Variants in HERC2 observed in about 807,000 individuals in gnomAD.
HERC2 encodes E3 ubiquitin-protein ligase HERC2.
In HERC2, 102 loss-of-function variants were observed where a neutral mutation model predicts 537.7. The observed-to-expected ratio is 0.19, with a 90% CI of 0.16 to 0.22. The LOEUF (loss-of-function observed/expected upper bound fraction) is 0.22, where lower values mean the gene tolerates loss of function less well. Among genes scored for constraint, HERC2 ranks in the 10% least tolerant of loss-of-function variants. HERC2 has a pLI of 1.00. For synonymous variants in HERC2, 2,224 were observed against 2,466.2 expected (o/e 0.90, Z 2.91); for missense variants, 4,236 against 6,198.2 (o/e 0.68, Z 10.63).
In HERC2 at chr15:28,202,329, G is replaced by A. The variant is rs747299903; in HGVS notation, c.7480+18C>T. ...GGAACCCACACATACACAAGCAGAG[G>A]CCAGGAAAACGAAGTACCAGGCAAG... is the stretch of plus-strand genomic sequence containing the variant. On this transcript the variant is annotated intron_variant, in intron 46 of 92. Coordinates refer to ENST00000261609, the MANE Select transcript of HERC2 (RefSeq NM_004667.6). 8 of 1,613,474 alleles carry A rather than the reference G, an allele frequency of 5.0e-6. No individual in the cohort carries two copies. In the South Asian group the frequency reaches 6.6e-5, roughly 13 times the overall value.
At chr15:28,229,022 T>C (rs1024155429) in intron 34 of HERC2, among the ~76,000 whole-genome samples, 173 bp downstream of exon 34, 1 of 152,218 alleles carries the variant, frequency 6.6e-6, no homozygotes, top group Non-Finnish European at 1.5e-5. Context: ...TCCTGCTAAA[T>C]TTTGAAGTTT....
At chr15:28,283,972 G>A (rs984181540) in intron 4 of HERC2, among the ~76,000 whole-genome samples, 2 of 152,154 alleles carry the variant, frequency 1.3e-5, no homozygotes, top group South Asian at 2.1e-4. Context: ...ATATTTTGGG[G>A]ATAGGACCCA....
intron 25 of HERC2, among the ~76,000 whole-genome samples, chr15:28,237,721 A>G (rs148465917): frequency 0.022 from 3,305 of 152,254 alleles, 121 homozygotes; most frequent in African/African-American, 0.075. Flanking sequence ...TATAAATTCT[A>G]TGTGTTCGTG....
intron 5 of HERC2, among the ~76,000 whole-genome samples, chr15:28,276,613 T>C (rs2075881286): frequency 6.6e-6 from 1 of 151,942 alleles, no homozygotes; most frequent in South Asian, 2.1e-4. Flanking sequence ...TGCATGCCTA[T>C]AGTCCCAGCT....
At chr15:28,117,752 C>G (rs941321744) in intron 86 of HERC2, 14 of 360,244 alleles carry the variant, frequency 3.9e-5, no homozygotes, top group South Asian at 2.9e-4. Context: ...CAGGCAGTCA[C>G]TCCCTGCCCA....
Position 28,230,617 on chromosome 15 carries a change from A to G in HERC2, c.4676-117T>C, listed in dbSNP as rs1363116402. 7.3e-6 allele frequency: 5 copies of G among 687,962 alleles called. No individual in the cohort carries two copies. The East Asian group carries it at 8.4e-5, about 12-fold the overall frequency. The allele number at this position is 687,962 out of a possible 1,614,324, so 42.6% of individuals were successfully genotyped here. On this transcript the variant is annotated intron_variant, in intron 30 of 92. Transcript: ENST00000261609. Reference sequence around the variant, plus strand: ...ATCTCATTCAAATAAACATCTGAACAACATTATAAATTGCAATGCTCAACA... The same window carrying G: ...ATCTCATTCAAATAAACATCTGAACGACATTATAAATTGCAATGCTCAACA...
intron 4 of HERC2, among the ~76,000 whole-genome samples, chr15:28,291,213 C>T (rs1381218757): frequency 1.3e-5 from 2 of 152,258 alleles, no homozygotes; most frequent in East Asian, 3.9e-4. Flanking sequence ...GAGGTAGGTA[C>T]TACTATTAAC....
At chr15:28,279,977 C>T in intron 5 of HERC2, 91 bp downstream of exon 5, 1 of 909,358 alleles carries the variant, frequency 1.1e-6, no homozygotes, top group Non-Finnish European at 1.7e-6. Context: ...GTGAAGACAG[C>T]CTATATTGAA....
chr15:28,292,851 A>G (rs2076356298), intron 4 of HERC2, 37 bp downstream of exon 4: 1 of 1,597,770 alleles, frequency 6.3e-7, no homozygotes, highest in South Asian at 1.2e-5. Context: ...GGAGCGTCAG[A>G]TCAACCTTTC....
chr15:28,229,882 C>T, intron 31 of HERC2, 35 bp from the exon 32 acceptor site: 2 of 813,100 alleles, frequency 2.5e-6, no homozygotes, highest in Non-Finnish European at 4.2e-6. Context: ...CATTAGTCTA[C>T]CCTATTTAAT....
chr15:28,282,089 G>A (rs1274504010), intron 4 of HERC2, among the ~76,000 whole-genome samples: 1 of 152,152 alleles, frequency 6.6e-6, no homozygotes, highest in Non-Finnish European at 1.5e-5. Context: ...CCACTGGGGA[G>A]TCAGAACTCC....
chr15:28,235,425 G>A (rs1014658195), intron 26 of HERC2, among the ~76,000 whole-genome samples: 1 of 152,086 alleles, frequency 6.6e-6, no homozygotes, highest in African/African-American at 2.4e-5. Flanking sequence ...CCTTGAGGAG[G>A]AGGGAAGGAA....
rs1006141302 is a variant in HERC2 at position 28,192,100 on chromosome 15, T to A, written c.8312A>T (p.His2771Leu). The A allele has an allele frequency of 4.3e-6, 7 of 1,612,784 alleles. No homozygotes were observed. In the Admixed American group the frequency reaches 1.0e-4, roughly 23 times the overall value. The change falls in exon 53 of 93, where the codon CAC (histidine) becomes CTC (leucine). Residue 2771 changes from histidine (H) to leucine (L), a missense_variant. By Grantham distance (99) the His-to-Leu change is moderately conservative. This residue lies in a region of HERC2 where 606 missense variants were observed against 884.5 expected (regional missense o/e 0.69). Coordinates refer to ENST00000261609, the MANE Select transcript of HERC2 (RefSeq NM_004667.6). ...GRSGKQLKRC[H>L]SSQPGMLLDS... ...CAGCAGCATGCCTGGCTGGCTGCTG[T>A]GGCAACGCTTCAGCTGTTTTCCAGA...
At chr15:28,188,272 G>T (rs1896505786) in intron 55 of HERC2, among the ~76,000 whole-genome samples, 1 of 152,204 alleles carries the variant, frequency 6.6e-6, no homozygotes, top group Non-Finnish European at 1.5e-5. Context: ...GCTGGGCACG[G>T]TGGCTCACGC....
At position 28,174,574 on chromosome 15, in the gene HERC2, G is replaced by A. The variant is rs778525672; in HGVS notation, c.9878C>T (p.Thr3293Met). 27 of 1,613,576 alleles carry A rather than the reference G, an allele frequency of 1.7e-5. No individual in the cohort carries two copies. Among genetic ancestry groups the A allele is most frequent in the East Asian group, 4.5e-5 (2 of 44,906 alleles). Residue 3293 changes from threonine (T) to methionine (M), a missense_variant, in exon 65 of 93, where the codon ACG (threonine) becomes ATG (methionine). Around this residue, in one of 27 missense-constraint regions of HERC2, gnomAD observed 93 missense variants for 265.1 expected, o/e 0.35. Coordinates refer to ENST00000261609, the MANE Select transcript of HERC2 (RefSeq NM_004667.6). ...TGTGGGCTTCCTGTTAACCGTGGTC[G>A]TGCCATTGCCCTGCTGGCCGTGGTC... is the stretch of plus-strand genomic sequence containing the variant. ...DNDHGQQGNGTTTVNRKPTLV... is the reference protein window; with the variant it reads ...DNDHGQQGNGMTTVNRKPTLV...
At chr15:28,317,846 C>CA (rs2077130158) in intron 2 of HERC2, among the ~76,000 whole-genome samples, 2 of 152,234 alleles carry the variant, frequency 1.3e-5, no homozygotes, top group Non-Finnish European at 2.9e-5. Context: ...GCAGTATGCG[C>CA]AAATATACAG....
intron 15 of HERC2, 109 bp from the exon 16 acceptor site, chr15:28,261,079 A>C: frequency 2.7e-6 from 2 of 740,162 alleles, no homozygotes; most frequent in Non-Finnish European, 4.3e-6. Context: ...TAACTTCTTG[A>C]GGATAATCTG....
rs367923319 is a variant in HERC2 at position 28,306,521 on chromosome 15, C to T, written c.73-7005G>A. On this transcript the variant is annotated intron_variant, in intron 2 of 92. Transcript: ENST00000261609. ...CATCAATGTTCATCTGGGATACTGG[C>T]CTGTTTTGTTTTTTTGATTATGTCT... 1.6e-4 allele frequency among the ~76,000 whole-genome samples: 25 copies of T among 152,180 alleles called. 1 individual carries two copies. The highest frequency in any genetic ancestry group is 6.8e-3 in the Middle Eastern group (2 of 294).
intron 90 of HERC2, 61 bp downstream of exon 90, chr15:28,114,551 C>A (rs563375595): frequency 1.3e-6 from 2 of 1,505,786 alleles, no homozygotes; most frequent in East Asian, 4.5e-5. Flanking sequence ...CATGTCCACA[C>A]AACCACGTTC....
Sources: gnomAD v4.1 joint callset for allele counts (sites outside exome capture counted in the v4.1 genomes callset) on GRCh38, gnomAD v4.1.1 for gene constraint, gnomAD v4.1.1 regional missense constraint, MANE v1.5 for transcripts, NCBI Gene and HGNC (gene_info 2026-07-23, HGNC 2026-07-21) for gene names.